Variants in C12orf42 observed in about 807,000 individuals in gnomAD.
C12orf42 encodes chromosome 12 open reading frame 42, also known as uncharacterized protein C12orf42.
A neutral mutation model predicts 21.6 loss-of-function variants in C12orf42; 25 were observed. The observed-to-expected ratio is 1.16, with a 90% CI of 0.84 to 1.62. The LOEUF (loss-of-function observed/expected upper bound fraction) is 1.62, where lower values mean the gene tolerates loss of function less well. Among genes scored for constraint, C12orf42 ranks in the 40% most tolerant of loss-of-function variants. The pLI is 0.00. For missense variants in C12orf42, 483 were observed against 459.3 expected (o/e 1.05, Z -0.47); for synonymous variants, 174 against 175.0 (o/e 0.99, Z 0.05).
chr12:103,407,959 T>C lies in C12orf42; in HGVS notation c.79-6284A>G, dbSNP rs553865678. On this transcript the variant is annotated intron_variant, in intron 2 of 5. Transcript: ENST00000548883. Reference sequence around the variant, plus strand: ...GTTGACAAAGCCACAGCTAGCCCTATGGAGTCTTCAGGCAAAGCACAAAAT... The same window carrying C: ...GTTGACAAAGCCACAGCTAGCCCTACGGAGTCTTCAGGCAAAGCACAAAAT... Among the ~76,000 whole-genome samples, 5 of 152,318 alleles carry C rather than the reference T, an allele frequency of 3.3e-5. No homozygotes were observed. The South Asian group carries it at 1.0e-3, about 32-fold the overall frequency.
the C12orf42 span, among the ~76,000 whole-genome samples, chr12:103,070,509 T>TACACACACAC: frequency 9.2e-6 from 1 of 108,166 alleles, no homozygotes; most frequent in African/African-American, 4.1e-5. Flanking sequence ...CACACCTACA[T>TACACACACAC]ACACATACAC....
the C12orf42 span, among the ~76,000 whole-genome samples, chr12:103,514,103 T>C: frequency 1.3e-5 from 2 of 152,190 alleles, no homozygotes; most frequent in African/African-American, 2.4e-5. Flanking sequence ...CTTCTTCACA[T>C]GGCTGCAGGA....
chr12:103,207,737 T>C, the C12orf42 span, among the ~76,000 whole-genome samples: 2 of 152,216 alleles, frequency 1.3e-5, no homozygotes, highest in Non-Finnish European at 1.5e-5. Context: ...CCAGAGATTT[T>C]CATCTGGGCC....
At chr12:103,356,967 TA>T (rs1194117846) in intron 4 of C12orf42, among the ~76,000 whole-genome samples, 1 of 151,816 alleles carries the variant, frequency 6.6e-6, no homozygotes, top group Non-Finnish European at 1.5e-5. Context: ...TATGCAGCCA[TA>T]AAAAATGATG....
intron 10 of C12orf42, among the ~76,000 whole-genome samples, chr12:103,257,572 A>G (rs2034675206): frequency 6.6e-6 from 1 of 152,144 alleles, no homozygotes; most frequent in East Asian, 1.9e-4. Context: ...AATTAGAAAT[A>G]AAAGAACATA....
chr12:103,256,030 G>A, intron 10 of C12orf42, among the ~76,000 whole-genome samples: 1 of 116,598 alleles, frequency 8.6e-6, no homozygotes, highest in South Asian at 3.0e-4. Context: ...TCCAGCCTGG[G>A]CGAAAGAGCG....
At chr12:103,322,331 A>C (rs2040261568) in intron 4 of C12orf42, among the ~76,000 whole-genome samples, 1 of 152,166 alleles carries the variant, frequency 6.6e-6, no homozygotes, top group Admixed American at 6.5e-5. Context: ...TCATACTTGG[A>C]CAATTAGACT....
At chr12:103,454,537 A>T (rs1952160000) in intron 2 of C12orf42, among the ~76,000 whole-genome samples, 1 of 152,132 alleles carries the variant, frequency 6.6e-6, no homozygotes, top group African/African-American at 2.4e-5. Context: ...TGTATCCAAA[A>T]AAGACCTTAT....
chr12:103,412,173 T>C (rs971466718), intron 2 of C12orf42, among the ~76,000 whole-genome samples: 24 of 152,232 alleles, frequency 1.6e-4, no homozygotes, highest in Non-Finnish European at 1.8e-4. Flanking sequence ...GTTTAAATTT[T>C]TAACCTTGGA....
intron 4 of C12orf42, among the ~76,000 whole-genome samples, chr12:103,360,969 T>C (rs1566151803): frequency 6.6e-6 from 1 of 151,926 alleles, no homozygotes; most frequent in Non-Finnish European, 1.5e-5. Flanking sequence ...ACCATTTGAG[T>C]TTCCAACTGC....
At chr12:103,447,890 TG>T (rs1197545070) in intron 2 of C12orf42, among the ~76,000 whole-genome samples, 1 of 151,876 alleles carries the variant, frequency 6.6e-6, no homozygotes, top group Non-Finnish European at 1.5e-5. Flanking sequence ...ACAAATTCAA[TG>T]CAATTCCCAT....
At chr12:103,354,004 G>A (rs2043317527) in intron 4 of C12orf42, among the ~76,000 whole-genome samples, 1 of 152,144 alleles carries the variant, frequency 6.6e-6, no homozygotes, top group African/African-American at 2.4e-5. Context: ...GCTTTCCGTT[G>A]CCTATAATGT....
chr12:103,152,310 T>C, the C12orf42 span, among the ~76,000 whole-genome samples: 1 of 152,090 alleles, frequency 6.6e-6, no homozygotes, highest in Non-Finnish European at 1.5e-5. Flanking sequence ...TTGTTTTGAG[T>C]TGCTGAATTT....
In C12orf42 at chr12:103,368,925, G is replaced by A; in HGVS notation, c.221C>T (p.Ser74Phe). The change falls in exon 4 of 6, where the codon TCT becomes TTT. Residue 74 changes from serine to phenylalanine, a missense_variant. Ser to Phe is a radical substitution (Grantham distance 155). Transcript: ENST00000548883. The part of the protein sequence containing the change: ...FINHMKNFSE[S>F]PKFRSLHFLN... ...AAAGTGTAGACTACGAAATTTAGGAGATTCAGAGAAATTCTTCATGTGATT... is the reference window on the plus strand; with the variant it reads ...AAAGTGTAGACTACGAAATTTAGGAAATTCAGAGAAATTCTTCATGTGATT... 6.3e-7 allele frequency: 1 copy of A among 1,595,240 alleles called. No homozygotes were observed. The highest frequency in any genetic ancestry group is 8.6e-7 in the Non-Finnish European group (1 of 1,168,302).
intron 4 of C12orf42, among the ~76,000 whole-genome samples, chr12:103,287,410 T>C (rs2036534386): frequency 6.6e-6 from 1 of 152,028 alleles, no homozygotes; most frequent in Non-Finnish European, 1.5e-5. Flanking sequence ...TGTAGGGACA[T>C]GGATGAAGCT....
chr12:103,358,115 A>T (rs984811566), intron 4 of C12orf42, among the ~76,000 whole-genome samples: 1 of 152,028 alleles, frequency 6.6e-6, no homozygotes, highest in Non-Finnish European at 1.5e-5. Flanking sequence ...TCATAGAATG[A>T]CATAAGGGTT....
chr12:103,306,081 T>A lies in C12orf42; in HGVS notation c.524A>T (p.Asn175Ile), dbSNP rs1400313381. The change falls in exon 5 of 6, where the codon AAC (asparagine) becomes ATC (isoleucine). Residue 175 changes from asparagine to isoleucine, a missense_variant. Transcript: ENST00000548883. The stretch of plus-strand genomic sequence containing the variant: ...AACAGGATTTACTGAGTGTGCCCAG[T>A]TAGGCTTTTTAACCAGTTGTTCCAA... ...SFLEQLVKKPNWAHSVNPVHL... is the reference protein window; with the variant it reads ...SFLEQLVKKPIWAHSVNPVHL... 6.2e-7 allele frequency: 1 copy of A among 1,614,014 alleles called. No individual in the cohort carries two copies. Among genetic ancestry groups the A allele is most frequent in the East Asian group, 2.2e-5 (1 of 44,884 alleles).
intron 2 of C12orf42, among the ~76,000 whole-genome samples, chr12:103,439,984 A>G (rs1951069329): frequency 6.7e-6 from 1 of 149,934 alleles, no homozygotes; most frequent in South Asian, 2.2e-4. Flanking sequence ...CATTATTCAC[A>G]ATAGCAAAGA....
At chr12:103,442,713 T>G (rs1951329157) in intron 2 of C12orf42, among the ~76,000 whole-genome samples, 1 of 152,128 alleles carries the variant, frequency 6.6e-6, no homozygotes, top group South Asian at 2.1e-4. Flanking sequence ...AATAATACAT[T>G]AAGCGCTTTC....
Sources: allele counts gnomAD v4.1 joint callset (sites outside exome capture counted in the v4.1 genomes callset), GRCh38; gene constraint gnomAD v4.1.1; transcripts MANE v1.5; gene names NCBI Gene and HGNC (gene_info 2026-07-23, HGNC 2026-07-21).